The following SEMA3E variants were observed in gnomAD, a reference collection of about 807,000 sequenced individuals.
The protein encoded by SEMA3E is semaphorin 3E, also known as semaphorin-3E.
A neutral mutation model predicts 93.6 loss-of-function variants in SEMA3E; 49 were observed. The observed-to-expected ratio is 0.52, with a 90% confidence interval of 0.42 to 0.66. The LOEUF (loss-of-function observed/expected upper bound fraction) is 0.66, where lower values mean the gene tolerates loss of function less well. Ranked by LOEUF, SEMA3E falls within the 30% of genes least tolerant of loss-of-function variation. The pLI is 0.00. For synonymous variants in SEMA3E, 363 were observed against 330.7 expected (o/e 1.10, Z -1.06); for missense variants, 906 against 964.8 (o/e 0.94, Z 0.81).
chr7:83,647,477 A>G (rs1439374401), intron 1 of SEMA3E, among the ~76,000 whole-genome samples: 2 of 152,186 alleles, frequency 1.3e-5, no homozygotes, highest in African/African-American at 4.8e-5. Context: ...ATGGCTAGTG[A>G]TAATAAATAC....
At position 83,578,038 on chromosome 7, in the gene SEMA3E, C is replaced by T. The variant is rs184515388; in HGVS notation, c.115+70390G>A. On this transcript the variant is annotated intron_variant, in intron 1 of 16. Coordinates refer to ENST00000643230, the MANE Select transcript of SEMA3E (RefSeq NM_012431.3). The stretch of plus-strand genomic sequence containing the variant: ...TTTAAAAAGTAGCTAAACATTAACT[C>T]GTATTGTTAGCATATGTAAGAAAAA... Among the ~76,000 whole-genome samples, 6 of 151,754 alleles carry T rather than the reference C, an allele frequency of 4.0e-5. No individual in the cohort carries two copies. In the East Asian group the frequency reaches 1.2e-3, roughly 30 times the overall value.
chr7:83,384,773 G>C (rs1213272308), intron 16 of SEMA3E, among the ~76,000 whole-genome samples: 2 of 151,912 alleles, frequency 1.3e-5, no homozygotes, highest in African/African-American at 4.8e-5. Context: ...TCTTTCCTTT[G>C]TTCCCAGCGG....
At chr7:83,519,606 C>T (rs1353303094) in intron 1 of SEMA3E, among the ~76,000 whole-genome samples, 1 of 152,118 alleles carries the variant, frequency 6.6e-6, no homozygotes, top group Admixed American at 6.6e-5. Context: ...AAACTTTCTT[C>T]AGACTGAGTA....
chr7:83,515,811 T>C (rs988476745), intron 1 of SEMA3E, among the ~76,000 whole-genome samples: 1 of 152,134 alleles, frequency 6.6e-6, no homozygotes, highest in Non-Finnish European at 1.5e-5. Flanking sequence ...ATGGATCACC[T>C]GCGGTCAGGA....
At chr7:83,450,960 A>G (rs1424826856) in intron 4 of SEMA3E, among the ~76,000 whole-genome samples, 1 of 152,102 alleles carries the variant, frequency 6.6e-6, no homozygotes, top group Non-Finnish European at 1.5e-5. Flanking sequence ...CTCATCTTGA[A>G]TTGTAGCTCC....
intron 1 of SEMA3E, among the ~76,000 whole-genome samples, chr7:83,638,109 AG>A (rs1383214842): frequency 2.6e-5 from 4 of 152,240 alleles, no homozygotes; most frequent in African/African-American, 4.8e-5. Context: ...AAAAAACTTT[AG>A]AAAGCCTTTC....
intron 1 of SEMA3E, among the ~76,000 whole-genome samples, chr7:83,530,565 A>G (rs1235275109): frequency 1.3e-5 from 2 of 152,164 alleles, no homozygotes; most frequent in Non-Finnish European, 2.9e-5. Context: ...AATTTCCAAT[A>G]TATATTCTTT....
intron 5 of SEMA3E, among the ~76,000 whole-genome samples, chr7:83,415,050 A>G (rs1266549984): frequency 6.6e-6 from 1 of 152,160 alleles, no homozygotes; most frequent in Non-Finnish European, 1.5e-5. Context: ...CTTGGCCAAA[A>G]TGACACATGA....
rs186240182 is a variant in SEMA3E at position 83,499,887 on chromosome 7, A to T, written c.116-9613T>A. On this transcript the variant is annotated intron_variant, in intron 1 of 16. Transcript: ENST00000643230. ...TACTCATCAGAAGTGGGCAAGGGGC[A>T]TTCTCAGTCTTCCAGAGGCTGAATT... is the stretch of plus-strand genomic sequence containing the variant. Among the ~76,000 whole-genome samples the T allele has an allele frequency of 3.9e-5, 6 of 152,304 alleles. No homozygotes were observed. In the East Asian group the frequency reaches 9.7e-4, roughly 25 times the overall value.
At chr7:83,640,487 C>G (rs1395916412) in intron 1 of SEMA3E, among the ~76,000 whole-genome samples, 2 of 152,078 alleles carry the variant, frequency 1.3e-5, no homozygotes, top group Non-Finnish European at 2.9e-5. Flanking sequence ...CATCAGCTTC[C>G]CAGCGGAAAA....
chr7:83,396,136 C>T (rs1011406136), intron 12 of SEMA3E, among the ~76,000 whole-genome samples: 3 of 151,700 alleles, frequency 2.0e-5, no homozygotes, highest in East Asian at 1.9e-4. Flanking sequence ...TATATGTATA[C>T]ACACGTGCAC....
At chr7:83,634,069 T>C (rs931127769) in intron 1 of SEMA3E, among the ~76,000 whole-genome samples, 1 of 152,198 alleles carries the variant, frequency 6.6e-6, no homozygotes, top group Non-Finnish European at 1.5e-5. Context: ...ATCCAATAGA[T>C]ATAAATTAGC....
At chr7:83,385,238 A>G (rs1787853950) in intron 16 of SEMA3E, 56 bp downstream of exon 16, 1 of 1,586,600 alleles carries the variant, frequency 6.3e-7, no homozygotes, top group Non-Finnish European at 8.6e-7. Context: ...TCATCTATTT[A>G]CTGATCACAC....
At chr7:83,620,634 A>T (rs535199341) in intron 1 of SEMA3E, among the ~76,000 whole-genome samples, 2 of 152,308 alleles carry the variant, frequency 1.3e-5, no homozygotes, top group South Asian at 4.1e-4. Flanking sequence ...CAGTCCATCA[A>T]AAAGCTTATC....
intron 4 of SEMA3E, among the ~76,000 whole-genome samples, chr7:83,439,818 CATG>C (rs1449497112): frequency 6.6e-6 from 1 of 152,160 alleles, no homozygotes; most frequent in Non-Finnish European, 1.5e-5. Flanking sequence ...TCTTTTCTTG[CATG>C]ATATTATGGT....
chr7:83,471,454 G>C (rs1192206501), intron 2 of SEMA3E, among the ~76,000 whole-genome samples: 1 of 151,932 alleles, frequency 6.6e-6, no homozygotes, highest in African/African-American at 2.4e-5. Flanking sequence ...TTACCTTGTT[G>C]CCTCTCCCTA....
chr7:83,407,525 T>C (rs2115650930), intron 6 of SEMA3E, among the ~76,000 whole-genome samples: 1 of 152,230 alleles, frequency 6.6e-6, no homozygotes, highest in South Asian at 2.1e-4. Flanking sequence ...AATGCGAACT[T>C]AAAATGCATT....
At chr7:83,385,629 T>C (rs1447007758) in intron 15 of SEMA3E, among the ~76,000 whole-genome samples, 196 bp from the exon 16 acceptor site, 1 of 151,960 alleles carries the variant, frequency 6.6e-6, no homozygotes, top group Non-Finnish European at 1.5e-5. Context: ...AAGCAGGCTA[T>C]GGGGTGGGAC....
chr7:83,561,907 G>C (rs1181304093), intron 1 of SEMA3E, among the ~76,000 whole-genome samples: 4 of 152,068 alleles, frequency 2.6e-5, no homozygotes, highest in Non-Finnish European at 5.9e-5. Flanking sequence ...AGTTTTCAAA[G>C]AGTTTTTGGC....
Sources: allele counts gnomAD v4.1 joint callset (sites outside exome capture counted in the v4.1 genomes callset), GRCh38; gene constraint gnomAD v4.1.1; transcripts MANE v1.5; gene names NCBI Gene and HGNC (gene_info 2026-07-23, HGNC 2026-07-21).